TBXAS1: variants seen among roughly 807,000 people sequenced by gnomAD.
TBXAS1 encodes thromboxane-A synthase.
TBXAS1 carries 48 observed loss-of-function variants against 60.7 expected under a neutral mutation model. That is an observed-to-expected ratio of 0.79 (90% CI 0.63 to 1.01). The LOEUF (loss-of-function observed/expected upper bound fraction) is 1.01, where lower values mean the gene tolerates loss of function less well. TBXAS1 is among the 50% of genes least tolerant of loss of function. The pLI, the probability that TBXAS1 is intolerant of heterozygous loss-of-function variation, is 0.00. For synonymous variants in TBXAS1, 287 were observed against 269.7 expected (o/e 1.06, Z -0.63); for missense variants, 685 against 686.3 (o/e 1.00, Z 0.02).
intron 8 of TBXAS1, among the ~76,000 whole-genome samples, chr7:139,960,811 G>C (rs1056719369): frequency 6.6e-6 from 1 of 152,098 alleles, no homozygotes; most frequent in Non-Finnish European, 1.5e-5. Context: ...TCAGAAGCCA[G>C]TGAACTGAGA....
Position 139,848,135 on chromosome 7 carries a change from CTTAT to C in TBXAS1, c.89+18683_89+18686del, listed in dbSNP as rs35299952. Among the ~76,000 whole-genome samples the C allele has an allele frequency of 7.2e-3, 1,088 of 150,668 alleles. 6 individuals carry two copies. Among genetic ancestry groups the C allele is most frequent in the South Asian group, 0.026 (123 of 4,772 alleles). Reference sequence around the variant, plus strand: ...CATCCCTGGCTAATTTTATGTTTTACTTATTTATTTATTTATTTATTTATTTATT... The same window carrying C: ...CATCCCTGGCTAATTTTATGTTTTACTTATTTATTTATTTATTTATTTATT... On this transcript the variant is annotated intron_variant, in intron 1 of 12. Transcript: ENST00000448866.
At chr7:139,953,608 A>G in intron 6 of TBXAS1, 152 bp downstream of exon 6, 2 of 741,034 alleles carry the variant, frequency 2.7e-6, no homozygotes, top group Admixed American at 2.3e-5. Flanking sequence ...ATAAAAAGAA[A>G]AGAAACCCAC....
In TBXAS1 at chr7:139,805,732, T is replaced by TCTC. The variant is rs1569492548; in HGVS notation, c.-80+18306_-80+18307insCTC. Among the ~76,000 whole-genome samples the TCTC allele has an allele frequency of 3.0e-3, 224 of 74,504 alleles. 5 individuals are homozygous for TCTC. The highest frequency in any genetic ancestry group is 0.014 in the East Asian group (31 of 2,218). The allele number at this position is 74,504 out of a possible 152,430, so 48.9% of individuals were successfully genotyped here. On this transcript the variant is annotated intron_variant, in intron 4 of 16. Transcript: ENST00000336425. ...TTTCTTTCTCTCTCTCTCTCTCTCT[T>TCTC]TCTTTCTTTCTTTCTTTCTTTCTTG...
chr7:140,011,976 C>T (rs1010976007), intron 10 of TBXAS1, among the ~76,000 whole-genome samples: 2 of 152,168 alleles, frequency 1.3e-5, no homozygotes, highest in South Asian at 2.1e-4. Flanking sequence ...TTGAGCCTGT[C>T]CTCATTAGAT....
chr7:139,911,221 C>T lies in TBXAS1; in HGVS notation c.237-4C>T. 6.2e-7 allele frequency: 1 copy of T among 1,613,790 alleles called. No homozygotes were observed. Among genetic ancestry groups the T allele is most frequent in the Non-Finnish European group, 8.5e-7 (1 of 1,179,784 alleles). ...CATTTTAATGCATTTTTTATTCCTC[C>T]CAGGTACTATCTTGGTCGTCGGATG... On this transcript the variant is annotated splice_region_variant and splice_polypyrimidine_tract_variant and intron_variant, in intron 3 of 12. Transcript: ENST00000448866.
At chr7:139,911,074 G>C (rs942685072) in intron 3 of TBXAS1, 151 bp from the exon 4 acceptor site, 3 of 730,078 alleles carry the variant, frequency 4.1e-6, no homozygotes, top group Non-Finnish European at 7.3e-6. Context: ...CTATATGGTT[G>C]CTTATGATTG....
intron 4 of TBXAS1, chr7:139,912,930 T>C (rs1336536015): frequency 1.7e-6 from 1 of 596,332 alleles, no homozygotes; most frequent in Admixed American, 2.8e-5. Context: ...CAGGGATTCA[T>C]GTGCCATCTC....
intron 4 of TBXAS1, among the ~76,000 whole-genome samples, chr7:139,816,182 TAA>T (rs1417160713): frequency 1.4e-4 from 21 of 152,222 alleles, no homozygotes; most frequent in Non-Finnish European, 2.8e-4. Flanking sequence ...GCCATGATTG[TAA>T]GTTTCCTGAG....
rs114475006 is a variant in TBXAS1, at chr7:139,947,794, A to G, written c.451-5574A>G. On this transcript the variant is annotated intron_variant, in intron 5 of 12. Transcript: ENST00000448866. The stretch of plus-strand genomic sequence containing the variant: ...GGAAACTTTCTCCCCTAGCTTGGCT[A>G]CTGCACTGCAACCCCGGTCTTAGCT... Among the ~76,000 whole-genome samples the G allele has an allele frequency of 3.5e-3, 534 of 152,286 alleles. 4 individuals carry two copies. The highest frequency in any genetic ancestry group is 0.012 in the African/African-American group (517 of 41,550).
intron 5 of TBXAS1, among the ~76,000 whole-genome samples, chr7:139,951,907 G>GAAAGAAAGAAAGAA (rs1334417048): frequency 0.1 from 4,139 of 39,812 alleles, 477 homozygotes; most frequent in Non-Finnish European, 0.16. Flanking sequence ...AGGAAAGAAA[G>GAAAGAAAGAAAGAA]AGAAAGAAAG....
At chr7:139,832,796 G>A (rs1451402631) in intron 1 of TBXAS1, among the ~76,000 whole-genome samples, 1 of 152,174 alleles carries the variant, frequency 6.6e-6, no homozygotes, top group African/African-American at 2.4e-5. Flanking sequence ...AGGGATTGGG[G>A]CCCTGTCTTC....
intron 9 of TBXAS1, among the ~76,000 whole-genome samples, chr7:140,001,342 C>G (rs1028963819): frequency 6.6e-6 from 1 of 152,178 alleles, no homozygotes; most frequent in East Asian, 1.9e-4. Flanking sequence ...ACACTCCAGG[C>G]CCAGCAGACC....
intron 9 of TBXAS1, among the ~76,000 whole-genome samples, chr7:139,996,746 C>T (rs534142208): frequency 6.6e-6 from 1 of 152,300 alleles, no homozygotes; most frequent in Admixed American, 6.5e-5. Context: ...CCTTGGGGGA[C>T]TTCTAAAACA....
intron 1 of TBXAS1, among the ~76,000 whole-genome samples, chr7:139,866,711 T>G (rs1801442737): frequency 6.6e-6 from 1 of 151,286 alleles, no homozygotes; most frequent in Non-Finnish European, 1.5e-5. Flanking sequence ...TGAGCTGAAA[T>G]CACACCACTG....
chr7:140,008,884 T>C (rs1814303312), intron 10 of TBXAS1, among the ~76,000 whole-genome samples: 1 of 152,206 alleles, frequency 6.6e-6, no homozygotes, highest in Admixed American at 6.5e-5. Context: ...AAGAAGGCCT[T>C]ACAGGGCCCC....
intron 1 of TBXAS1, among the ~76,000 whole-genome samples, chr7:139,871,309 C>T (rs1801808763): frequency 2.0e-5 from 3 of 152,198 alleles, no homozygotes. Context: ...CCATGTTTTT[C>T]CTTGCCCTTA....
At chr7:139,953,271 T>C in intron 5 of TBXAS1, 97 bp from the exon 6 acceptor site, 1 of 989,162 alleles carries the variant, frequency 1.0e-6, no homozygotes, top group Non-Finnish European at 1.6e-6. Context: ...AGTGTTCATT[T>C]TCCCAGAAAG....
chr7:139,981,923 CAG>C (rs1264263175), intron 9 of TBXAS1, among the ~76,000 whole-genome samples: 1 of 152,156 alleles, frequency 6.6e-6, no homozygotes, highest in Non-Finnish European at 1.5e-5. Context: ...AGTGTGATGA[CAG>C]ATAGTGAATA....
At position 139,779,626 on chromosome 7, in the gene TBXAS1, C is replaced by T. The variant is rs2240821; in HGVS notation, c.-317-1114C>T. On this transcript the variant is annotated intron_variant, in intron 1 of 16. Transcript: ENST00000336425. ...GGTCATTTATCTCCTTCCCTTCTAT[C>T]CTCCCTGCAATCTTTAACTTTAGTC... Among the ~76,000 whole-genome samples the T allele has an allele frequency of 1.2e-3, 189 of 152,318 alleles. 2 individuals carry two copies. In the East Asian group the frequency reaches 0.023, roughly 18 times the overall value.
Sources: allele counts gnomAD v4.1 joint callset (sites outside exome capture counted in the v4.1 genomes callset), GRCh38; gene constraint gnomAD v4.1.1; transcripts MANE v1.5; gene names NCBI Gene and HGNC (gene_info 2026-07-23, HGNC 2026-07-21).